SPTB: variants seen among roughly 807,000 people sequenced by gnomAD.
The protein encoded by SPTB is spectrin beta, erythrocytic.
Under a neutral mutation model 256.2 loss-of-function variants are expected in SPTB, and 45 were observed. That is an observed-to-expected ratio of 0.18 (90% confidence interval 0.14 to 0.23). The LOEUF is 0.23. Among genes scored for constraint, SPTB ranks in the 10% least tolerant of loss-of-function variants. SPTB has a pLI of 1.00. For missense variants in SPTB, 2,715 were observed against 3,040.4 expected, an observed-to-expected ratio of 0.89 and a Z score of 2.52; for synonymous variants, 1,231 against 1,243.1, an observed-to-expected ratio of 0.99 and a Z score of 0.21.
At chr14:64,821,193 T>C (rs1483726951) in intron 2 of SPTB, among the ~76,000 whole-genome samples, 4 of 152,166 alleles carry the variant, frequency 2.6e-5, no homozygotes, top group Non-Finnish European at 4.4e-5. Context: ...CTGTTTAATT[T>C]ATGTGCCCAT....
rs562590442 is a variant in SPTB at position 64,787,011 on chromosome 14, C to T, written c.2954G>A (p.Arg985Gln). Residue 985 changes from arginine (R) to glutamine (Q), a missense_variant, in exon 16 of 36, where the codon CGG becomes CAG. Physicochemically the swap from Arg to Gln is conservative, Grantham distance 43. This residue lies in a region of SPTB where 2,239 missense variants were observed against 2,384.4 expected (regional missense o/e 0.94). Coordinates refer to ENST00000644917, the MANE Select transcript of SPTB (RefSeq NM_001355436.2). ...GATGGCGATGATACCTGCCAGGTCCCGCCCCAGGTCTTTTGTGGACTCCAC... is the reference window on the plus strand; with the variant it reads ...GATGGCGATGATACCTGCCAGGTCCTGCCCCAGGTCTTTTGTGGACTCCAC... ...KVVESTKDLG[R>Q]DLAGIIAIQR... 5.7e-5 allele frequency: 92 copies of T among 1,614,168 alleles called. No individual in the cohort carries two copies. The highest frequency in any genetic ancestry group is 2.8e-4 in the Admixed American group (17 of 60,026).
intron 33 of SPTB, among the ~76,000 whole-genome samples, chr14:64,753,301 G>A (rs1566732858): frequency 1.3e-5 from 2 of 152,196 alleles, no homozygotes; most frequent in Non-Finnish European, 2.9e-5. Flanking sequence ...TAAAGAGGTT[G>A]AGTAACTTGC....
chr14:64,791,613 G>A (rs2082674829), intron 15 of SPTB, 106 bp downstream of exon 15: 43 of 630,366 alleles, frequency 6.8e-5, no homozygotes, highest in South Asian at 5.8e-4. Flanking sequence ...TGAGGGTATA[G>A]AAGTGTTGGT....
At chr14:64,771,672 G>A (rs1342388191) in intron 26 of SPTB, among the ~76,000 whole-genome samples, 1 of 152,160 alleles carries the variant, frequency 6.6e-6, no homozygotes, top group East Asian at 1.9e-4. Flanking sequence ...GATTGAGGCT[G>A]GCCCTGGGGA....
intron 1 of SPTB, among the ~76,000 whole-genome samples, chr14:64,865,613 A>C (rs1882132083): frequency 6.6e-6 from 1 of 152,214 alleles, no homozygotes; most frequent in Admixed American, 6.5e-5. Flanking sequence ...ACTGAGTACC[A>C]ACTCTACCAT....
At position 64,818,994 on chromosome 14, in the gene SPTB, G is replaced by A. The variant is rs182649463; in HGVS notation, c.148+3953C>T. Among the ~76,000 whole-genome samples, 18 of 152,266 alleles carry A rather than the reference G, an allele frequency of 1.2e-4. No individual in the cohort carries two copies. In the East Asian group the frequency reaches 1.9e-3, roughly 16 times the overall value. On this transcript the variant is annotated intron_variant, in intron 2 of 35. Coordinates refer to ENST00000644917, the MANE Select transcript of SPTB (RefSeq NM_001355436.2). ...CCTGCTACTTAACCTCATGACAGGC[G>A]GCCAGCTTAGAGACTGATGTTAAAA... is the stretch of plus-strand genomic sequence containing the variant.
chr14:64,852,666 G>C lies in SPTB; in HGVS notation c.-52+27126C>G, dbSNP rs2083806696. Among the ~76,000 whole-genome samples, 1 of 152,140 alleles carries C rather than the reference G, an allele frequency of 6.6e-6. No individual in the cohort carries two copies. Among genetic ancestry groups the C allele is most frequent in the South Asian group, 2.1e-4 (1 of 4,820 alleles). On this transcript the variant is annotated intron_variant, in intron 1 of 35. Transcript: ENST00000644917. This position sits in a 1 kb window ranked among gnomAD's most constrained non-coding sequence, Gnocchi z 4.2. ...GAGTGGAAATAGCAAGTGAGAGAAA[G>C]GGAAGAGCCAAGAATGATTTCTCAA...
At chr14:64,864,327 T>C (rs900996600) in intron 1 of SPTB, among the ~76,000 whole-genome samples, 28 of 151,772 alleles carry the variant, frequency 1.8e-4, no homozygotes, top group African/African-American at 6.0e-4. Flanking sequence ...TGCATGCCTG[T>C]AGTCCTAGCT....
rs1446305084 is a variant in SPTB, at chr14:64,790,375, T to C, written c.2804+1344A>G. On this transcript the variant is annotated intron_variant, in intron 15 of 35. Coordinates refer to ENST00000644917, the MANE Select transcript of SPTB (RefSeq NM_001355436.2). This position sits in a 1 kb window ranked among gnomAD's most constrained non-coding sequence, Gnocchi z 4.8. ...GGAAGTTTCTCTGGTTTAGACCTGC[T>C]CTAGTTTCCTCAATTATGCAGCAAT... Among the ~76,000 whole-genome samples, 1 of 152,190 alleles carries C rather than the reference T, an allele frequency of 6.6e-6. No homozygotes were observed. Among genetic ancestry groups the C allele is most frequent in the African/African-American group, 2.4e-5 (1 of 41,442 alleles).
intron 1 of SPTB, among the ~76,000 whole-genome samples, chr14:64,848,942 C>T (rs989906266): frequency 3.9e-5 from 6 of 152,196 alleles, no homozygotes; most frequent in African/African-American, 1.4e-4. Context: ...GATACATCCC[C>T]TACACTCACA....
intron 2 of SPTB, among the ~76,000 whole-genome samples, chr14:64,819,134 T>G (rs559868229): frequency 2.6e-5 from 4 of 152,314 alleles, no homozygotes; most frequent in Admixed American, 1.3e-4. Flanking sequence ...TGCAACATTT[T>G]CCTACCCTTC....
In SPTB at chr14:64,795,403, G is replaced by A; in HGVS notation, c.1578C>T (p.Thr526=). The change falls in exon 12 of 36, where the codon ACC becomes ACT. Residue 526 remains threonine (T), a synonymous_variant. Coordinates refer to ENST00000644917, the MANE Select transcript of SPTB (RefSeq NM_001355436.2). The surrounding 1 kb of genome is among the most constrained non-coding windows in gnomAD (Gnocchi z 6.5). ...LLQSRRQRLE[T]TLALQKLFQD... Reference sequence around the variant, plus strand: ...GGAAGAGCTTCTGCAGTGCCAGGGTGGTCTCGAGCCTCTGGCGCCGGGACT... The same window carrying A: ...GGAAGAGCTTCTGCAGTGCCAGGGTAGTCTCGAGCCTCTGGCGCCGGGACT... 9.3e-6 allele frequency: 15 copies of A among 1,614,094 alleles called. No homozygotes were observed. The highest frequency in any genetic ancestry group is 1.3e-5 in the Non-Finnish European group (15 of 1,180,038).
intron 1 of SPTB, among the ~76,000 whole-genome samples, chr14:64,875,449 T>C (rs778617276): frequency 6.6e-6 from 1 of 152,168 alleles, no homozygotes; most frequent in African/African-American, 2.4e-5. Flanking sequence ...TGGCAATCCG[T>C]GAGCAGAGCC....
chr14:64,804,891 A>T (rs1430920751), intron 3 of SPTB, 48 bp downstream of exon 3: 1 of 1,612,162 alleles, frequency 6.2e-7, no homozygotes, highest in Non-Finnish European at 8.5e-7. Context: ...GCCTTTGCTG[A>T]AGAGGGGCCG....
At position 64,854,573 on chromosome 14, in the gene SPTB, C is replaced by T. The variant is rs558711564; in HGVS notation, c.-52+25219G>A. ...GATTACAGGTGTGAGCCACCGCGCC[C>T]GGCCAGTTTTCCGGAATCTTGATTG... On this transcript the variant is annotated intron_variant, in intron 1 of 35. Coordinates refer to ENST00000644917, the MANE Select transcript of SPTB (RefSeq NM_001355436.2). Among the ~76,000 whole-genome samples the T allele has an allele frequency of 2.6e-4, 40 of 152,126 alleles. 1 individual carries two copies. In the South Asian group the frequency reaches 5.4e-3, roughly 20 times the overall value.
Position 64,790,263 on chromosome 14 carries a change from T to C in SPTB, c.2804+1456A>G, listed in dbSNP as rs2082647785. Reference sequence around the variant, plus strand: ...TGGCAGGTACCTTGATATTTTTCTCTTGGGGATGGGGCCTGTTTTAGGGGT... The same window carrying C: ...TGGCAGGTACCTTGATATTTTTCTCCTGGGGATGGGGCCTGTTTTAGGGGT... On this transcript the variant is annotated intron_variant, in intron 15 of 35. Transcript: ENST00000644917. The surrounding 1 kb of genome is among the most constrained non-coding windows in gnomAD (Gnocchi z 4.8). 6.6e-6 allele frequency among the ~76,000 whole-genome samples: 1 copy of C among 152,156 alleles called. No homozygotes were observed. The highest frequency in any genetic ancestry group is 2.4e-5 in the African/African-American group (1 of 41,432).
chr14:64,766,835 C>T, intron 31 of SPTB, 34 bp from the exon 32 acceptor site: 1 of 1,606,484 alleles, frequency 6.2e-7, no homozygotes. Flanking sequence ...TAGAAACAAG[C>T]ACCCCTCTGA....
intron 1 of SPTB, among the ~76,000 whole-genome samples, chr14:64,855,029 C>G (rs897399985): frequency 6.6e-6 from 1 of 152,132 alleles, no homozygotes; most frequent in East Asian, 1.9e-4. Flanking sequence ...GGCAACTCGC[C>G]GGAAAACAAG....
At position 64,795,908 on chromosome 14, in the gene SPTB, C is replaced by T. The variant is rs2082760267; in HGVS notation, c.1342-269G>A. On this transcript the variant is annotated intron_variant, in intron 11 of 35. Coordinates refer to ENST00000644917, the MANE Select transcript of SPTB (RefSeq NM_001355436.2). This position sits in a 1 kb window ranked among gnomAD's most constrained non-coding sequence, Gnocchi z 6.5. The stretch of plus-strand genomic sequence containing the variant: ...TGCAGCCTGCGTGTTACTAATGGAG[C>T]CCCTTGGCAGCCTGCTGGCACTCCC... Among the ~76,000 whole-genome samples the T allele has an allele frequency of 6.6e-6, 1 of 152,178 alleles. No individual in the cohort carries two copies. Among genetic ancestry groups the T allele is most frequent in the African/African-American group, 2.4e-5 (1 of 41,446 alleles).
Sources: gnomAD v4.1 joint callset for allele counts (sites outside exome capture counted in the v4.1 genomes callset) on GRCh38, gnomAD v4.1.1 for gene constraint, gnomAD v4.1.1 regional missense constraint, Gnocchi (gnomAD v3.1) non-coding constraint, MANE v1.5 for transcripts, NCBI Gene and HGNC (gene_info 2026-07-23, HGNC 2026-07-21) for gene names.